SETD3: variants seen among roughly 807,000 people sequenced by gnomAD.
The protein encoded by SETD3 is actin-histidine N-methyltransferase.
A neutral mutation model predicts 63.0 loss-of-function variants in SETD3; 19 were observed. That is an observed-to-expected ratio of 0.30 (90% CI 0.21 to 0.44). The LOEUF (loss-of-function observed/expected upper bound fraction) is 0.44. SETD3 is among the 20% of genes least tolerant of loss of function. The pLI, the probability that SETD3 is intolerant of heterozygous loss-of-function variation, is 1.00. For synonymous variants in SETD3, 286 were observed against 264.1 expected (o/e 1.08, Z -0.80); for missense variants, 587 against 728.5 (o/e 0.81, Z 2.24).
intron 10 of SETD3, among the ~76,000 whole-genome samples, chr14:99,404,889 C>G (rs1891596220): frequency 6.6e-6 from 1 of 152,082 alleles, no homozygotes; most frequent in Non-Finnish European, 1.5e-5. Context: ...TTAAATGAAA[C>G]AAATTGATCC....
chr14:99,412,027 A>G (rs149383163), intron 8 of SETD3: 1 of 152,324 alleles, frequency 6.6e-6, no homozygotes, highest in African/African-American at 2.4e-5. Context: ...CATTCACGGC[A>G]TTTCTTTATT....
chr14:99,445,552 T>C (rs572709981), intron 6 of SETD3, among the ~76,000 whole-genome samples: 1 of 152,308 alleles, frequency 6.6e-6, no homozygotes, highest in African/African-American at 2.4e-5. Flanking sequence ...TGAGAGTAGA[T>C]TATAGCTACA....
chr14:99,420,977 T>TGGGG (rs1566694427), intron 6 of SETD3, among the ~76,000 whole-genome samples: 1 of 10,996 alleles, frequency 9.1e-5, no homozygotes, highest in African/African-American at 2.8e-4. Context: ...GGGGGGGGGG[T>TGGGG]GGGAGGTGCA....
At chr14:99,406,429 T>C (rs1891684721) in intron 9 of SETD3, 87 bp downstream of exon 9, 1 of 1,247,556 alleles carries the variant, frequency 8.0e-7, no homozygotes, top group Admixed American at 1.8e-5. Context: ...TTCCCCTAAG[T>C]TAAGTTCCTT....
At chr14:99,485,536 G>A (rs1298472926), upstream of SETD3, among the ~76,000 whole-genome samples, 1 of 152,088 alleles carries the variant, frequency 6.6e-6, no homozygotes, top group Non-Finnish European at 1.5e-5. Context: ...TGACCAGTTA[G>A]CCTCCCTTGT....
intron 6 of SETD3, among the ~76,000 whole-genome samples, chr14:99,437,935 A>T (rs1893581821): frequency 6.6e-6 from 1 of 152,226 alleles, no homozygotes; most frequent in African/African-American, 2.4e-5. Flanking sequence ...CCACATGCCC[A>T]TTCATGAGAA....
chr14:99,413,236 T>A (rs1160618416), intron 7 of SETD3, 171 bp from the exon 8 acceptor site: 1 of 578,184 alleles, frequency 1.7e-6, no homozygotes, highest in African/African-American at 1.9e-5. Flanking sequence ...AACCCAGGGT[T>A]TGAAAGAGCC....
At chr14:99,436,317 T>C (rs912306275) in intron 6 of SETD3, among the ~76,000 whole-genome samples, 2 of 152,110 alleles carry the variant, frequency 1.3e-5, no homozygotes, top group African/African-American at 4.8e-5. Flanking sequence ...TGTCGAATAG[T>C]TTTCTAAATC....
intron 6 of SETD3, among the ~76,000 whole-genome samples, chr14:99,431,873 C>T (rs1453021921): frequency 6.6e-6 from 1 of 152,192 alleles, no homozygotes. Context: ...CCACAACACA[C>T]ACTGGATGAC....
At chr14:99,404,136 C>A (rs1891549586) in intron 11 of SETD3, 89 bp downstream of exon 11, 5 of 1,031,782 alleles carry the variant, frequency 4.8e-6, no homozygotes, top group Non-Finnish European at 7.2e-6. Flanking sequence ...TTTTAATCCA[C>A]TTTACCTTTA....
At chr14:99,465,269 A>T (rs1197783959) in intron 2 of SETD3, among the ~76,000 whole-genome samples, 1 of 152,222 alleles carries the variant, frequency 6.6e-6, no homozygotes. Context: ...ACAGCCCGTG[A>T]AGTACCTTCA....
intron 6 of SETD3, among the ~76,000 whole-genome samples, chr14:99,440,839 C>T (rs933999630): frequency 1.3e-5 from 2 of 149,296 alleles, no homozygotes; most frequent in Non-Finnish European, 3.0e-5. Context: ...AAAAAAGCAA[C>T]AGAAAAATAC....
chr14:99,432,239 A>G (rs1031097326), intron 6 of SETD3, among the ~76,000 whole-genome samples: 4 of 152,210 alleles, frequency 2.6e-5, no homozygotes, highest in African/African-American at 9.7e-5. Context: ...GAGTGCAAAG[A>G]ACCCGTAAGA....
intron 6 of SETD3, among the ~76,000 whole-genome samples, chr14:99,449,907 A>C (rs1894361242): frequency 6.6e-6 from 1 of 152,244 alleles, no homozygotes; most frequent in South Asian, 2.1e-4. Flanking sequence ...AAAACAAACA[A>C]ACAAATTTCA....
chr14:99,463,150 T>C (rs1290387617), intron 3 of SETD3, among the ~76,000 whole-genome samples: 2 of 152,260 alleles, frequency 1.3e-5, no homozygotes, highest in Admixed American at 6.5e-5. Flanking sequence ...TTATTGACGA[T>C]ATACACTATA....
intron 6 of SETD3, among the ~76,000 whole-genome samples, chr14:99,433,226 T>C (rs1304181066): frequency 6.6e-6 from 1 of 152,114 alleles, no homozygotes; most frequent in African/African-American, 2.4e-5. Context: ...ATGCAATAAA[T>C]GACACTAGTA....
intron 6 of SETD3, among the ~76,000 whole-genome samples, chr14:99,446,013 G>C (rs562194765): frequency 6.6e-6 from 1 of 152,358 alleles, no homozygotes; most frequent in East Asian, 1.9e-4. Flanking sequence ...AGGAATCACA[G>C]AACGGGACAG....
intron 6 of SETD3, among the ~76,000 whole-genome samples, chr14:99,447,233 A>T (rs1316635545): frequency 6.6e-6 from 1 of 152,186 alleles, no homozygotes; most frequent in Non-Finnish European, 1.5e-5. Flanking sequence ...TCAGCCACCC[A>T]AAGCGCTGGG....
At chr14:99,405,731 T>C (rs758177778) in intron 9 of SETD3, among the ~76,000 whole-genome samples, 77 of 152,328 alleles carry the variant, frequency 5.1e-4, no homozygotes, top group African/African-American at 1.7e-3. Flanking sequence ...ACTATAAGAC[T>C]GTATTTTAAA....
Sources: gnomAD v4.1 joint callset for allele counts (sites outside exome capture counted in the v4.1 genomes callset) on GRCh38, gnomAD v4.1.1 for gene constraint, MANE v1.5 for transcripts, NCBI Gene and HGNC (gene_info 2026-07-23, HGNC 2026-07-21) for gene names.